The following AHI1 variants were observed in gnomAD, a reference collection of about 807,000 sequenced individuals.
The protein encoded by AHI1 is jouberin.
AHI1 carries 123 observed loss-of-function variants against 149.3 expected under a neutral mutation model. That is an observed-to-expected ratio of 0.82 (90% CI 0.71 to 0.96). The LOEUF is 0.96. Ranked by LOEUF, AHI1 falls within the 40% of genes least tolerant of loss-of-function variation. The pLI, the probability that AHI1 is intolerant of heterozygous loss-of-function variation, is 0.00. For missense variants in AHI1, 1,439 were observed against 1,422.7 expected, an observed-to-expected ratio of 1.01 and a Z score of -0.18; for synonymous variants, 475 against 459.8, an observed-to-expected ratio of 1.03 and a Z score of -0.42.
intron 23 of AHI1, among the ~76,000 whole-genome samples, chr6:135,381,037 T>G (rs1776693862): frequency 6.6e-6 from 1 of 152,212 alleles, no homozygotes; most frequent in Admixed American, 6.5e-5. Flanking sequence ...ATTAAGCACA[T>G]TAATTTGCCT....
At chr6:135,377,735 C>A (rs1394398592) in intron 23 of AHI1, among the ~76,000 whole-genome samples, 1 of 152,004 alleles carries the variant, frequency 6.6e-6, no homozygotes, top group Non-Finnish European at 1.5e-5. Flanking sequence ...CCTGCCCCAA[C>A]CTCCCAAAGT....
intron 23 of AHI1, among the ~76,000 whole-genome samples, chr6:135,359,496 T>A (rs1211739874): frequency 1.3e-5 from 2 of 152,198 alleles, no homozygotes; most frequent in Non-Finnish European, 2.9e-5. Flanking sequence ...TGGGTTAATT[T>A]TTTTTCAAAG....
intron 16 of AHI1, among the ~76,000 whole-genome samples, chr6:135,431,775 TCA>T (rs1212773990): frequency 1.3e-5 from 2 of 152,160 alleles, no homozygotes; most frequent in Non-Finnish European, 2.9e-5. Context: ...TTGAAAGACC[TCA>T]GAGACCATTA....
chr6:135,350,839 G>A, intron 24 of AHI1, among the ~76,000 whole-genome samples: 1 of 152,114 alleles, frequency 6.6e-6, no homozygotes, highest in East Asian at 1.9e-4. Context: ...TGAAGAGACA[G>A]ACAGACAGCA....
chr6:135,434,411 T>C (rs1441780889), intron 15 of AHI1, among the ~76,000 whole-genome samples: 2 of 151,946 alleles, frequency 1.3e-5, no homozygotes, highest in Non-Finnish European at 2.9e-5. Flanking sequence ...TTATATGAAA[T>C]ATGATGCCTA....
intron 5 of AHI1, among the ~76,000 whole-genome samples, chr6:135,469,344 C>T (rs2128103523): frequency 6.6e-6 from 1 of 152,276 alleles, no homozygotes; most frequent in African/African-American, 2.4e-5. Flanking sequence ...AAACAAGGTA[C>T]TTATGGAACA....
intron 23 of AHI1, among the ~76,000 whole-genome samples, chr6:135,386,791 T>C (rs1263038116): frequency 6.6e-6 from 1 of 151,894 alleles, no homozygotes; most frequent in East Asian, 1.9e-4. Context: ...CCACCATGCC[T>C]GGCTAATTTT....
At chr6:135,411,686 A>T (rs1781618517) in intron 20 of AHI1, 142 bp from the exon 21 acceptor site, 2 of 534,570 alleles carry the variant, frequency 3.7e-6, no homozygotes, top group Non-Finnish European at 5.9e-6. Context: ...TAACTAGCAA[A>T]ATTTGAAATT....
At chr6:135,307,882 T>C (rs1484167823) in intron 26 of AHI1, among the ~76,000 whole-genome samples, 1 of 152,078 alleles carries the variant, frequency 6.6e-6, no homozygotes, top group Non-Finnish European at 1.5e-5. Flanking sequence ...AAGAGGTGCA[T>C]CTAGTGGACA....
At chr6:135,364,828 C>T (rs1170546349) in intron 23 of AHI1, among the ~76,000 whole-genome samples, 1 of 152,246 alleles carries the variant, frequency 6.6e-6, no homozygotes, top group East Asian at 1.9e-4. Context: ...TTGCAGTAGG[C>T]CGAGATGGCA....
chr6:135,351,305 TG>T, intron 24 of AHI1, among the ~76,000 whole-genome samples: 1 of 152,336 alleles, frequency 6.6e-6, no homozygotes, highest in South Asian at 2.1e-4. Flanking sequence ...GCTTGAAATA[TG>T]TTCTTGTCCT....
intron 12 of AHI1, among the ~76,000 whole-genome samples, chr6:135,447,457 T>C (rs185194200): frequency 4.1e-4 from 62 of 152,350 alleles, no homozygotes; most frequent in African/African-American, 1.4e-3. Flanking sequence ...CCAATACTTA[T>C]GAGTTATGCC....
intron 26 of AHI1, among the ~76,000 whole-genome samples, chr6:135,309,539 A>G (rs934270536): frequency 6.6e-6 from 1 of 151,416 alleles, no homozygotes; most frequent in Admixed American, 6.6e-5. Context: ...CTGGAGTGCA[A>G]TGGCGTGATC....
rs9494209 is a variant in AHI1, at chr6:135,285,617, C to G, written c.*28G>C. On this transcript the variant is annotated 3_prime_UTR_variant, in exon 29 of 29. Transcript: ENST00000265602. ...TTGTCATTTTCACCTCTGTGCATTT[C>G]GGCAGCTCTTAACTTTTCTTCAATT... The G allele has an allele frequency of 0.075, 120,420 of 1,602,404 alleles. 6,223 individuals are homozygous for G. The highest frequency in any genetic ancestry group is 0.25 in the African/African-American group (18,850 of 74,478).
At chr6:135,467,248 C>A (rs1218460638) in intron 6 of AHI1, among the ~76,000 whole-genome samples, 2 of 152,054 alleles carry the variant, frequency 1.3e-5, no homozygotes, top group African/African-American at 2.4e-5. Flanking sequence ...GGCTTGACAA[C>A]TGAAAATTAA....
intron 22 of AHI1, among the ~76,000 whole-genome samples, chr6:135,402,861 G>T (rs1780216620): frequency 6.6e-6 from 1 of 152,008 alleles, no homozygotes; most frequent in African/African-American, 2.4e-5. Flanking sequence ...TTATCAGTAA[G>T]GCTTCCAGTC....
chr6:135,447,118 T>C lies in AHI1; in HGVS notation c.1669A>G (p.Lys557Glu), dbSNP rs779590057. 1.2e-6 allele frequency: 2 copies of C among 1,608,796 alleles called. No individual in the cohort carries two copies. The highest frequency in any genetic ancestry group is 1.1e-5 in the South Asian group (1 of 89,644). The change falls in exon 13 of 29, where the codon AAA (lysine) becomes GAA (glutamate). Residue 557 changes from lysine (K) to glutamate (E), a missense_variant. By Grantham distance (56) the Lys-to-Glu change is moderately conservative. Transcript: ENST00000265602. The part of the protein sequence containing the change: ...YRSMMALQEE[K>E]GKPVHCERHH... Reference sequence around the variant, plus strand: ...CGTTCACAATGCACTGGTTTACCTTTTTCCTCCTGAAGAGCCATCATAGAG... The same window carrying C: ...CGTTCACAATGCACTGGTTTACCTTCTTCCTCCTGAAGAGCCATCATAGAG...
intron 3 of AHI1, among the ~76,000 whole-genome samples, chr6:135,493,621 G>C (rs978699012): frequency 1.3e-5 from 2 of 152,108 alleles, no homozygotes; most frequent in South Asian, 2.1e-4. Context: ...ATGACAGCAT[G>C]AGTAATTGAA....
At chr6:135,443,315 G>A (rs1786621522) in intron 13 of AHI1, among the ~76,000 whole-genome samples, 1 of 152,068 alleles carries the variant, frequency 6.6e-6, no homozygotes, top group Non-Finnish European at 1.5e-5. Flanking sequence ...AATTTTCTGG[G>A]TATTAATGTC....
Sources: gnomAD v4.1 joint callset for allele counts (sites outside exome capture counted in the v4.1 genomes callset) on GRCh38, gnomAD v4.1.1 for gene constraint, MANE v1.5 for transcripts, NCBI Gene and HGNC (gene_info 2026-07-23, HGNC 2026-07-21) for gene names.